Variants in PTPRG observed in about 807,000 individuals in gnomAD.
PTPRG encodes receptor-type tyrosine-protein phosphatase gamma.
PTPRG carries 102 observed loss-of-function variants against 165.3 expected under a neutral mutation model. That is an observed-to-expected ratio of 0.62 (90% CI 0.53 to 0.73). The LOEUF (loss-of-function observed/expected upper bound fraction) is 0.73, where lower values mean the gene tolerates loss of function less well. Among genes scored for constraint, PTPRG ranks in the 30% least tolerant of loss-of-function variants. PTPRG has a pLI of 0.00. For synonymous variants in PTPRG, 675 were observed against 669.5 expected (o/e 1.01, Z -0.13); for missense variants, 1,866 against 1,861.4 (o/e 1.00, Z -0.05).
At chr3:61,708,443 C>CTT (rs61136954) in intron 1 of PTPRG, among the ~76,000 whole-genome samples, 784 of 75,922 alleles carry the variant, frequency 0.01, 87 homozygotes, top group African/African-American at 0.022. Context: ...CTCTGCAAAT[C>CTT]TTTTTTTTTT....
intron 4 of PTPRG, among the ~76,000 whole-genome samples, chr3:62,056,275 T>C (rs1006646840): frequency 6.6e-6 from 1 of 152,238 alleles, no homozygotes; most frequent in Non-Finnish European, 1.5e-5. Flanking sequence ...ATGTGCTTCG[T>C]TCTGTACAAA....
chr3:61,907,006 T>C (rs1225627881), intron 2 of PTPRG, among the ~76,000 whole-genome samples: 1 of 152,172 alleles, frequency 6.6e-6, no homozygotes, highest in Admixed American at 6.5e-5. Context: ...AATGAAGTTA[T>C]TACACTTTTG....
intron 26 of PTPRG, among the ~76,000 whole-genome samples, chr3:62,278,627 C>A (rs926391209): frequency 4.6e-5 from 7 of 151,954 alleles, no homozygotes; most frequent in African/African-American, 1.7e-4. Flanking sequence ...TGTGACTGAA[C>A]CCCCAGTCTT....
At chr3:62,100,829 C>T (rs1291312468) in intron 5 of PTPRG, among the ~76,000 whole-genome samples, 1 of 152,164 alleles carries the variant, frequency 6.6e-6, no homozygotes, top group East Asian at 1.9e-4. Flanking sequence ...TGTTTCATAT[C>T]CAGCCTCCTT....
At chr3:61,589,176 A>G (rs1304848333) in intron 1 of PTPRG, among the ~76,000 whole-genome samples, 1 of 152,226 alleles carries the variant, frequency 6.6e-6, no homozygotes, top group African/African-American at 2.4e-5. Context: ...TTTTCTTGAA[A>G]TACCCATGCC....
chr3:62,186,139 A>T (rs1454482004), intron 8 of PTPRG, among the ~76,000 whole-genome samples: 3 of 152,122 alleles, frequency 2.0e-5, no homozygotes, highest in Non-Finnish European at 4.4e-5. Flanking sequence ...CCAGTCGCCA[A>T]GCATCGGTGG....
chr3:62,100,219 G>A (rs1345426072), intron 5 of PTPRG, among the ~76,000 whole-genome samples: 1 of 152,110 alleles, frequency 6.6e-6, no homozygotes, highest in Admixed American at 6.5e-5. Flanking sequence ...GACACAAAAT[G>A]TGTTTTTGTG....
chr3:62,285,421 G>T (rs1417922585), intron 28 of PTPRG, among the ~76,000 whole-genome samples: 1 of 150,076 alleles, frequency 6.7e-6, no homozygotes, highest in Non-Finnish European at 1.5e-5. Context: ...CATTTGATCT[G>T]TGAGGCAGAG....
chr3:62,053,818 C>T (rs560615460), intron 4 of PTPRG, among the ~76,000 whole-genome samples: 10 of 152,228 alleles, frequency 6.6e-5, no homozygotes, highest in South Asian at 6.2e-4. Flanking sequence ...TTTAGAGTTA[C>T]GAGGCTCAAA....
chr3:62,154,840 C>T (rs1218760306), intron 6 of PTPRG, among the ~76,000 whole-genome samples: 1 of 152,178 alleles, frequency 6.6e-6, no homozygotes, highest in Non-Finnish European at 1.5e-5. Context: ...TCACCTACAA[C>T]ATGAGGGAGA....
intron 4 of PTPRG, among the ~76,000 whole-genome samples, chr3:62,041,767 G>A (rs1700138222): frequency 6.6e-6 from 1 of 152,088 alleles, no homozygotes; most frequent in Non-Finnish European, 1.5e-5. Context: ...TGGTGATGGA[G>A]ATGACAGTCA....
At chr3:61,860,434 C>CTTTTTTTTTTTTTTTTTTTTTTTTTT (rs766688465) in intron 2 of PTPRG, among the ~76,000 whole-genome samples, 1 of 95,530 alleles carries the variant, frequency 1.0e-5, no homozygotes, top group African/African-American at 3.8e-5. Flanking sequence ...GTTTTTGTTC[C>CTTTTTTTTTTTTTTTTTTTTTTTTTT]TTTTTTTTTT....
At chr3:62,122,367 G>A (rs915775972) in intron 5 of PTPRG, among the ~76,000 whole-genome samples, 3 of 152,288 alleles carry the variant, frequency 2.0e-5, no homozygotes, top group Non-Finnish European at 2.9e-5. Context: ...ATAGGGAATG[G>A]CCTGTGAGGT....
At chr3:62,081,722 T>A (rs1701589123) in intron 5 of PTPRG, among the ~76,000 whole-genome samples, 1 of 152,292 alleles carries the variant, frequency 6.6e-6, no homozygotes, top group Admixed American at 6.5e-5. Context: ...ATAAAAAAAA[T>A]TGTTACTTCA....
Position 62,195,142 on chromosome 3 carries a change from C to T in PTPRG, c.1299C>T (p.Ser433=), listed in dbSNP as rs763904315. 32 of 1,614,110 alleles carry T rather than the reference C, an allele frequency of 2.0e-5. No individual in the cohort carries two copies. The African/African-American group carries it at 2.7e-4, about 13-fold the overall frequency. The change falls in exon 10 of 30, where the codon AGC becomes AGT. Residue 433 remains serine, a synonymous_variant. Coordinates refer to ENST00000474889, the MANE Select transcript of PTPRG (RefSeq NM_002841.4). This position sits in a 1 kb window ranked among gnomAD's most constrained non-coding sequence, Gnocchi z 4.4. Reference sequence around the variant, plus strand: ...CCGTGTGTCGGAACGACATGCGCAGCGACTTTAGCCAGACGATGCTGTTTC... The same window carrying T: ...CCGTGTGTCGGAACGACATGCGCAGTGACTTTAGCCAGACGATGCTGTTTC... The part of the protein sequence containing the change: ...VQAVCRNDMR[S]DFSQTMLFQA...
At position 61,745,178 on chromosome 3, in the gene PTPRG, G is replaced by A. The variant is rs2033150949; in HGVS notation, c.86-3700G>A. ...CGATTCTCCTGCCTCAGCCTCCCGA[G>A]TAGCTGGGACTGCAGGCGTGCCACC... is the stretch of plus-strand genomic sequence containing the variant. On this transcript the variant is annotated intron_variant, in intron 1 of 29. Coordinates refer to ENST00000474889, the MANE Select transcript of PTPRG (RefSeq NM_002841.4). Among the ~76,000 whole-genome samples the A allele has an allele frequency of 2.0e-5, 3 of 150,500 alleles. No homozygotes were observed. In the South Asian group the frequency reaches 6.3e-4, roughly 32 times the overall value.
At chr3:62,226,791 G>A (rs1278855987) in intron 13 of PTPRG, among the ~76,000 whole-genome samples, 1 of 152,148 alleles carries the variant, frequency 6.6e-6, no homozygotes, top group African/African-American at 2.4e-5. Context: ...CAAGCCATCT[G>A]TAAATTCTGT....
chr3:61,688,946 G>T (rs907400235), intron 1 of PTPRG, among the ~76,000 whole-genome samples: 2 of 152,164 alleles, frequency 1.3e-5, no homozygotes, highest in Non-Finnish European at 1.5e-5. Flanking sequence ...CATGTCTGGC[G>T]TGCCCTTTAA....
intron 2 of PTPRG, among the ~76,000 whole-genome samples, chr3:61,751,420 G>A (rs188510764): frequency 6.6e-6 from 1 of 152,258 alleles, no homozygotes; most frequent in East Asian, 1.9e-4. Context: ...AATGAAGCAG[G>A]CAGTTCCTCA....
Sources: gnomAD v4.1 joint callset for allele counts (sites outside exome capture counted in the v4.1 genomes callset) on GRCh38, gnomAD v4.1.1 for gene constraint, Gnocchi (gnomAD v3.1) non-coding constraint, MANE v1.5 for transcripts, NCBI Gene and HGNC (gene_info 2026-07-23, HGNC 2026-07-21) for gene names.